GUCY1A2: variants seen among roughly 807,000 people sequenced by gnomAD.
GUCY1A2 encodes guanylate cyclase 1 soluble subunit alpha 2.
In GUCY1A2, 27 loss-of-function variants were observed where a neutral mutation model predicts 63.5. The observed-to-expected ratio is 0.43, with a 90% CI of 0.31 to 0.59. GUCY1A2 has a LOEUF of 0.59. Ranked by LOEUF, GUCY1A2 falls within the 20% of genes least tolerant of loss-of-function variation. GUCY1A2 has a pLI of 0.11. For missense variants in GUCY1A2, 768 were observed against 913.3 expected, an observed-to-expected ratio of 0.84 and a Z score of 2.05; for synonymous variants, 364 against 343.5, an observed-to-expected ratio of 1.06 and a Z score of -0.66.
At chr11:106,963,932 CAAG>C (rs1861092578) in intron 3 of GUCY1A2, among the ~76,000 whole-genome samples, 1 of 152,054 alleles carries the variant, frequency 6.6e-6, no homozygotes, top group Non-Finnish European at 1.5e-5. Flanking sequence ...AGAAAAGTTG[CAAG>C]AATAGTATAA....
chr11:106,873,609 T>C (rs1178384400), intron 4 of GUCY1A2, among the ~76,000 whole-genome samples: 4 of 152,162 alleles, frequency 2.6e-5, no homozygotes. Flanking sequence ...CACTTTTTCA[T>C]GGGGTTGTCC....
chr11:106,893,385 T>TA (rs775054850), intron 4 of GUCY1A2, among the ~76,000 whole-genome samples: 8 of 151,300 alleles, frequency 5.3e-5, no homozygotes, highest in Non-Finnish European at 7.4e-5. Context: ...ATTTAGTCTT[T>TA]AAAAAAAAAC....
At chr11:106,888,382 G>T (rs906279572) in intron 4 of GUCY1A2, among the ~76,000 whole-genome samples, 6 of 151,834 alleles carry the variant, frequency 4.0e-5, no homozygotes, top group African/African-American at 1.5e-4. Flanking sequence ...AGAGAATGGC[G>T]TGAACCCAGG....
intron 4 of GUCY1A2, chr11:106,827,885 C>T: frequency 6.4e-7 from 1 of 1,564,664 alleles, no homozygotes; most frequent in South Asian, 1.1e-5. Context: ...GGCGCGCTGC[C>T]TTCATGCTGC....
At chr11:106,812,274 T>C (rs922089768) in intron 4 of GUCY1A2, among the ~76,000 whole-genome samples, 3 of 152,060 alleles carry the variant, frequency 2.0e-5, no homozygotes, top group African/African-American at 7.2e-5. Context: ...GATACTCATA[T>C]ATTTAAACTT....
At chr11:106,710,046 TATATATA>T (rs1203169026) in intron 6 of GUCY1A2, among the ~76,000 whole-genome samples, 1 of 97,076 alleles carries the variant, frequency 1.0e-5, no homozygotes, top group Non-Finnish European at 2.1e-5. Context: ...AGTATATAGT[TATATATA>T]ATATATACAT....
At chr11:106,997,993 G>A (rs1162701260) in intron 1 of GUCY1A2, among the ~76,000 whole-genome samples, 5 of 152,096 alleles carry the variant, frequency 3.3e-5, no homozygotes, top group Non-Finnish European at 7.4e-5. Flanking sequence ...ATAAAGTGAT[G>A]TCACTAATGC....
At chr11:106,688,774 T>C (rs768800949) in intron 7 of GUCY1A2, among the ~76,000 whole-genome samples, 5 of 152,164 alleles carry the variant, frequency 3.3e-5, no homozygotes, top group African/African-American at 4.8e-5. Context: ...AAAGCTTTCA[T>C]GGACTAGATG....
chr11:106,931,404 T>A (rs1479712718), intron 4 of GUCY1A2, among the ~76,000 whole-genome samples: 2 of 152,152 alleles, frequency 1.3e-5, no homozygotes, highest in African/African-American at 4.8e-5. Context: ...GCCAGTCAAA[T>A]GGGAAATGGC....
chr11:106,738,616 C>A (rs1246271443), intron 6 of GUCY1A2, among the ~76,000 whole-genome samples: 1 of 152,136 alleles, frequency 6.6e-6, no homozygotes, highest in East Asian at 1.9e-4. Flanking sequence ...ATATGGCTAG[C>A]CAGTTTTCCC....
chr11:106,837,131 A>C (rs939426122), intron 4 of GUCY1A2, among the ~76,000 whole-genome samples: 2 of 151,702 alleles, frequency 1.3e-5, no homozygotes, highest in African/African-American at 4.8e-5. Flanking sequence ...TTTTTTTCTG[A>C]TCCTCTCCCA....
chr11:106,827,072 A>G (rs78233211), intron 4 of GUCY1A2: 107,610 of 1,532,532 alleles, frequency 0.07, 4,108 homozygotes, highest in East Asian at 0.12. Context: ...TTTTTCTTCA[A>G]AATTCTAAAC....
intron 4 of GUCY1A2, among the ~76,000 whole-genome samples, chr11:106,925,955 G>A (rs1860516076): frequency 6.6e-6 from 1 of 152,122 alleles, no homozygotes; most frequent in South Asian, 2.1e-4. Flanking sequence ...AGGGTAAGGG[G>A]TAAAGGAAAT....
chr11:106,896,830 T>C (rs962125045), intron 4 of GUCY1A2, among the ~76,000 whole-genome samples: 1 of 152,222 alleles, frequency 6.6e-6, no homozygotes, highest in Non-Finnish European at 1.5e-5. Context: ...CTGTTCTTCA[T>C]AAATTATCAA....
intron 6 of GUCY1A2, among the ~76,000 whole-genome samples, chr11:106,755,419 A>G (rs536178272): frequency 9.9e-5 from 15 of 151,826 alleles, no homozygotes; most frequent in African/African-American, 3.6e-4. Flanking sequence ...TTACTTCTCT[A>G]TTCTTTTAAT....
At chr11:107,016,994 C>A (rs1318045379) in intron 1 of GUCY1A2, among the ~76,000 whole-genome samples, 1 of 151,946 alleles carries the variant, frequency 6.6e-6, no homozygotes, top group African/African-American at 2.4e-5. Context: ...ACCTATGTAA[C>A]AAATCTGCAC....
At chr11:106,774,529 A>G (rs2135401003) in intron 6 of GUCY1A2, among the ~76,000 whole-genome samples, 1 of 152,184 alleles carries the variant, frequency 6.6e-6, no homozygotes, top group South Asian at 2.1e-4. Context: ...ACTTTTGCAG[A>G]ATTCTTTGGA....
chr11:107,002,699 T>C (rs1861626043), intron 1 of GUCY1A2, among the ~76,000 whole-genome samples: 1 of 152,176 alleles, frequency 6.6e-6, no homozygotes, highest in Admixed American at 6.5e-5. Flanking sequence ...ATTAGTGACA[T>C]TTCATACCTG....
intron 6 of GUCY1A2, among the ~76,000 whole-genome samples, chr11:106,720,484 T>C (rs1863297558): frequency 6.6e-6 from 1 of 152,184 alleles, no homozygotes; most frequent in Non-Finnish European, 1.5e-5. Context: ...ATATTGGCAA[T>C]CTTGGCAAGT....
Sources: allele counts gnomAD v4.1 joint callset (sites outside exome capture counted in the v4.1 genomes callset), GRCh38; gene constraint gnomAD v4.1.1; transcripts MANE v1.5; gene names NCBI Gene and HGNC (gene_info 2026-07-23, HGNC 2026-07-21).